Variants in PTGER3 observed in about 807,000 individuals in gnomAD.
PTGER3 encodes prostaglandin E receptor 3.
A neutral mutation model predicts 34.7 loss-of-function variants in PTGER3; 22 were observed. The observed-to-expected ratio is 0.63, with a 90% CI of 0.45 to 0.91. The LOEUF is 0.91. Among genes scored for constraint, PTGER3 ranks in the 40% least tolerant of loss-of-function variants. PTGER3 has a pLI of 0.00. For synonymous variants in PTGER3, 241 were observed against 230.1 expected, an observed-to-expected ratio of 1.05 and a Z score of -0.43; for missense variants, 468 against 519.4, an observed-to-expected ratio of 0.90 and a Z score of 0.96.
intron 1 of PTGER3, among the ~76,000 whole-genome samples, chr1:71,015,645 A>G (rs1272360475): frequency 2.6e-5 from 4 of 152,204 alleles, no homozygotes; most frequent in Non-Finnish European, 5.9e-5. Flanking sequence ...AGGAAAAGAG[A>G]GCTGAGTCAT....
intron 2 of PTGER3, among the ~76,000 whole-genome samples, chr1:70,981,341 TTCTTTCTTTCTTTCTTTCTTTC>T (rs1557708776): frequency 3.6e-5 from 2 of 55,420 alleles, no homozygotes; most frequent in African/African-American, 1.4e-4. Context: ...CTTTCTTTCT[TTCTTTCTTTCTTTCTTTCTTTC>T]TTTCTTTCTT....
intron 4 of PTGER3, among the ~76,000 whole-genome samples, chr1:70,933,310 T>C (rs1166553035): frequency 6.6e-6 from 1 of 152,206 alleles, no homozygotes; most frequent in Non-Finnish European, 1.5e-5. Flanking sequence ...CTTTATTTCT[T>C]GCTTGTGACT....
At chr1:71,011,857 T>C (rs1657476930) in intron 2 of PTGER3, 25 of 1,023,502 alleles carry the variant, frequency 2.4e-5, no homozygotes, top group Non-Finnish European at 2.8e-5. Flanking sequence ...TTGTCTTCAA[T>C]GATGTATGTG....
chr1:71,025,252 C>A (rs888529022), intron 1 of PTGER3, among the ~76,000 whole-genome samples: 3 of 151,288 alleles, frequency 2.0e-5, no homozygotes, highest in Non-Finnish European at 4.4e-5. Context: ...GGACTATAAG[C>A]ACATCTTCTT....
intron 2 of PTGER3, chr1:71,007,010 G>A (rs1169667506): frequency 1.0e-6 from 1 of 985,336 alleles, no homozygotes; most frequent in Admixed American, 6.2e-5. Context: ...CAGTATTGAA[G>A]ACCAGCCTTT....
chr1:71,039,575 G>A (rs1248426704), intron 1 of PTGER3, among the ~76,000 whole-genome samples: 11 of 150,436 alleles, frequency 7.3e-5, no homozygotes, highest in African/African-American at 2.0e-4. Flanking sequence ...GCATGAACCC[G>A]GGAGGCAGAG....
chr1:70,934,065 A>C (rs1648978107), intron 4 of PTGER3, among the ~76,000 whole-genome samples: 1 of 152,136 alleles, frequency 6.6e-6, no homozygotes, highest in Admixed American at 6.6e-5. Context: ...TAACAGCTCC[A>C]TTTACTGGCA....
chr1:70,854,939 C>T (rs910482329), intron 4 of PTGER3, among the ~76,000 whole-genome samples: 4 of 152,052 alleles, frequency 2.6e-5, no homozygotes, highest in Non-Finnish European at 2.9e-5. Flanking sequence ...ACTAAAAATG[C>T]GATTACCATA....
At chr1:70,901,653 A>T (rs1179728313) in intron 4 of PTGER3, among the ~76,000 whole-genome samples, 5 of 152,218 alleles carry the variant, frequency 3.3e-5, no homozygotes, top group African/African-American at 9.6e-5. Flanking sequence ...ATATGTGAGT[A>T]TAACTATTTA....
chr1:71,031,306 G>A (rs1049138422), intron 1 of PTGER3, among the ~76,000 whole-genome samples: 4 of 151,570 alleles, frequency 2.6e-5, no homozygotes, highest in South Asian at 2.1e-4. Flanking sequence ...ACGCACATGT[G>A]CACAAGGCTT....
chr1:70,926,563 G>C (rs1047694385), intron 4 of PTGER3, among the ~76,000 whole-genome samples: 1 of 152,192 alleles, frequency 6.6e-6, no homozygotes, highest in African/African-American at 2.4e-5. Flanking sequence ...TTGCTTATCA[G>C]CTTAAGGAGA....
intron 4 of PTGER3, among the ~76,000 whole-genome samples, chr1:70,919,730 C>A: frequency 6.6e-6 from 1 of 152,020 alleles, no homozygotes; most frequent in South Asian, 2.1e-4. Context: ...AAGATATGGC[C>A]ATTGCTTACT....
At chr1:70,927,538 A>G (rs996672274) in intron 4 of PTGER3, among the ~76,000 whole-genome samples, 1 of 152,212 alleles carries the variant, frequency 6.6e-6, no homozygotes, top group African/African-American at 2.4e-5. Context: ...CATAAAAATG[A>G]GCTTGTTCAG....
chr1:70,948,925 G>T (rs1650480196), downstream of PTGER3, among the ~76,000 whole-genome samples: 2 of 152,116 alleles, frequency 1.3e-5, no homozygotes, highest in South Asian at 4.1e-4. Context: ...TAAAGAAAAA[G>T]AAAGGACGAA....
downstream of PTGER3, among the ~76,000 whole-genome samples, chr1:70,947,794 A>G (rs1650358677): frequency 6.6e-6 from 1 of 152,138 alleles, no homozygotes; most frequent in Non-Finnish European, 1.5e-5. Context: ...ACAATGTGAT[A>G]TGGTTTAGAA....
chr1:70,902,648 A>G (rs1017747479), intron 4 of PTGER3, among the ~76,000 whole-genome samples: 6 of 152,250 alleles, frequency 3.9e-5, no homozygotes, highest in African/African-American at 1.4e-4. Flanking sequence ...GTTGAGTTCC[A>G]GAAAGAGAGG....
At chr1:70,944,700 C>T (rs1429800093) in intron 4 of PTGER3, among the ~76,000 whole-genome samples, 2 of 152,044 alleles carry the variant, frequency 1.3e-5, no homozygotes, top group Admixed American at 6.6e-5. Flanking sequence ...AGTGGATGCT[C>T]AAGAACTTTC....
At chr1:71,037,591 C>A (rs571197534) in intron 1 of PTGER3, among the ~76,000 whole-genome samples, 1 of 152,142 alleles carries the variant, frequency 6.6e-6, no homozygotes, top group Non-Finnish European at 1.5e-5. Flanking sequence ...TAAGTTTTTA[C>A]GTATTTTCCC....
At chr1:70,892,837 C>CAAAAAAAAAAAAA (rs1176220550) in intron 4 of PTGER3, among the ~76,000 whole-genome samples, 2 of 47,904 alleles carry the variant, frequency 4.2e-5, no homozygotes, top group Non-Finnish European at 5.4e-5. Flanking sequence ...CAAGACTCCT[C>CAAAAAAAAAAAAA]AAAAAAAAAA....
Sources: allele counts gnomAD v4.1 joint callset (sites outside exome capture counted in the v4.1 genomes callset), GRCh38; gene constraint gnomAD v4.1.1; transcripts MANE v1.5; gene names NCBI Gene and HGNC (gene_info 2026-07-23, HGNC 2026-07-21).